TLN2: variants seen among roughly 807,000 people sequenced by gnomAD.
TLN2 encodes the protein talin 2.
TLN2 carries 118 observed loss-of-function variants against 294.7 expected under a neutral mutation model. That is an observed-to-expected ratio of 0.40 (90% CI 0.34 to 0.47). The LOEUF (loss-of-function observed/expected upper bound fraction) is 0.47. TLN2 is among the 20% of genes least tolerant of loss of function. The pLI is 0.84. For missense variants in TLN2, 3,083 were observed against 3,282.2 expected (o/e 0.94, Z 1.48); for synonymous variants, 1,431 against 1,304.5 (o/e 1.10, Z -2.09).
intron 1 of TLN2, among the ~76,000 whole-genome samples, chr15:62,485,729 A>G (rs1435187169): frequency 6.6e-6 from 1 of 152,096 alleles, no homozygotes; most frequent in African/African-American, 2.4e-5. Flanking sequence ...ACTTGCCTCC[A>G]TTCTGAGCTC....
intron 54 of TLN2, among the ~76,000 whole-genome samples, chr15:62,825,889 C>T (rs1402452894): frequency 9.3e-6 from 1 of 107,856 alleles, no homozygotes; most frequent in Non-Finnish European, 1.7e-5. Context: ...TATAATAAGT[C>T]AGGCATGGTG....
chr15:62,702,311 G>C, intron 18 of TLN2, 111 bp downstream of exon 18: 1 of 1,203,246 alleles, frequency 8.3e-7, no homozygotes, highest in South Asian at 1.5e-5. Context: ...GATGGGGTGT[G>C]TTTCTCTCTG....
chr15:62,799,262 C>G (rs559465352), intron 48 of TLN2, among the ~76,000 whole-genome samples: 1 of 152,030 alleles, frequency 6.6e-6, no homozygotes, highest in South Asian at 2.1e-4. Context: ...AAGGCAGTGG[C>G]GAGGAGTAAA....
chr15:62,647,417 A>G lies in TLN2; in HGVS notation c.107A>G (p.Glu36Gly). ...AVYDACRVIRERVPEAQTGQA... is the reference protein window; with the variant it reads ...AVYDACRVIRGRVPEAQTGQA... ...TACGATGCGTGTCGAGTCATTCGGG[A>G]ACGGGTGCCTGAGGCACAAACTGGG... The change falls in exon 4 of 59, where the codon GAA (glutamate) becomes GGA (glycine). Residue 36 changes from glutamate to glycine, a missense_variant. Physicochemically the swap from Glu to Gly is moderately conservative, Grantham distance 98. Transcript: ENST00000636159. The G allele has an allele frequency of 6.2e-7, 1 of 1,614,246 alleles. No individual in the cohort carries two copies. Among genetic ancestry groups the G allele is most frequent in the Non-Finnish European group, 8.5e-7 (1 of 1,180,026 alleles).
In TLN2 at chr15:62,708,692, T is replaced by C; in HGVS notation, c.2363T>C (p.Val788Ala). 1 of 1,614,006 alleles carries C rather than the reference T, an allele frequency of 6.2e-7. No homozygotes were observed. The highest frequency in any genetic ancestry group is 8.5e-7 in the Non-Finnish European group (1 of 1,180,038). ...SQALHDLLQH[V>A]RQFASRGEPI... ...GCCCTCCATGATCTCCTGCAGCATG[T>C]GCGGCAGTTTGCCAGCCGAGGCGAG... The change falls in exon 21 of 59, where the codon GTG (valine) becomes GCG (alanine). Residue 788 changes from valine to alanine, a missense_variant. Coordinates refer to ENST00000636159, the MANE Select transcript of TLN2 (RefSeq NM_015059.3).
intron 46 of TLN2, among the ~76,000 whole-genome samples, chr15:62,793,617 C>T (rs999447675): frequency 6.6e-6 from 1 of 152,080 alleles, no homozygotes; most frequent in Admixed American, 6.6e-5. Context: ...CCCAGTTAAC[C>T]ACGCCATACT....
intron 15 of TLN2, among the ~76,000 whole-genome samples, 191 bp from the exon 16 acceptor site, chr15:62,698,563 G>A (rs1480378806): frequency 1.3e-5 from 2 of 152,188 alleles, no homozygotes; most frequent in South Asian, 4.1e-4. Context: ...TTCATTTTGT[G>A]TTCTATTAAT....
intron 1 of TLN2, among the ~76,000 whole-genome samples, chr15:62,517,934 A>G (rs915178506): frequency 2.6e-5 from 4 of 152,192 alleles, no homozygotes; most frequent in Non-Finnish European, 5.9e-5. Flanking sequence ...CATAAGAAAA[A>G]TGGGGTTAAT....
intron 45 of TLN2, among the ~76,000 whole-genome samples, chr15:62,786,295 C>T (rs544592960): frequency 8.1e-4 from 124 of 152,258 alleles, no homozygotes; most frequent in East Asian, 3.9e-4. Context: ...GCTGCAGTCC[C>T]GCAGTCCGCT....
chr15:62,642,689 TG>T (rs1255367570), intron 3 of TLN2, among the ~76,000 whole-genome samples: 14 of 150,462 alleles, frequency 9.3e-5, no homozygotes, highest in African/African-American at 3.5e-4. Flanking sequence ...TTTGTTTGTT[TG>T]TTTGTTTTCT....
intron 8 of TLN2, 100 bp downstream of exon 8, chr15:62,656,186 A>G (rs2053187961): frequency 2.0e-6 from 3 of 1,470,316 alleles, no homozygotes; most frequent in Non-Finnish European, 2.8e-6. Context: ...CTTCTGCCAC[A>G]TTTATGGCGT....
chr15:62,718,677 TGA>T (rs1294775932), intron 24 of TLN2, among the ~76,000 whole-genome samples: 1 of 152,286 alleles, frequency 6.6e-6, no homozygotes, highest in East Asian at 1.9e-4. Flanking sequence ...GGAGTCTTGC[TGA>T]GAGTGAGGCC....
At chr15:62,458,554 A>G (rs1471319107) in intron 1 of TLN2, among the ~76,000 whole-genome samples, 1 of 149,140 alleles carries the variant, frequency 6.7e-6, no homozygotes, top group Non-Finnish European at 1.5e-5. Context: ...ATTAAGAAGT[A>G]TCTTCTTGAG....
chr15:62,667,665 T>C (rs1041205455), intron 9 of TLN2, among the ~76,000 whole-genome samples: 4 of 152,210 alleles, frequency 2.6e-5, no homozygotes, highest in African/African-American at 9.6e-5. Context: ...GGTCATGCAG[T>C]GACTTGATGG....
At chr15:62,634,946 G>C (rs754137998) in intron 3 of TLN2, among the ~76,000 whole-genome samples, 1 of 152,144 alleles carries the variant, frequency 6.6e-6, no homozygotes, top group Non-Finnish European at 1.5e-5. Context: ...CCTCTTTTCT[G>C]TAAATCTAGT....
At chr15:62,432,280 C>T (rs554151995) in intron 1 of TLN2, among the ~76,000 whole-genome samples, 14 of 152,144 alleles carry the variant, frequency 9.2e-5, no homozygotes, top group Non-Finnish European at 1.6e-4. Flanking sequence ...AACTAAATAC[C>T]TGAGGCTGGG....
intron 1 of TLN2, among the ~76,000 whole-genome samples, chr15:62,398,704 C>T (rs1006361155): frequency 6.6e-6 from 1 of 152,182 alleles, no homozygotes; most frequent in Non-Finnish European, 1.5e-5. Flanking sequence ...GCTTTTTGCC[C>T]ATGCCCTAGA....
At chr15:62,725,186 A>G (rs2060369128) in intron 27 of TLN2, 82 bp downstream of exon 27, 3 of 1,507,170 alleles carry the variant, frequency 2.0e-6, no homozygotes, top group South Asian at 1.3e-5. Flanking sequence ...GGTGTTTGCT[A>G]AAGTTGCGGC....
intron 1 of TLN2, among the ~76,000 whole-genome samples, chr15:62,504,250 G>C (rs74999410): frequency 0.011 from 1,623 of 152,284 alleles, 20 homozygotes; most frequent in African/African-American, 0.038. Flanking sequence ...TCACCAAATT[G>C]ATCTATAGGT....
Sources: allele counts gnomAD v4.1 joint callset (sites outside exome capture counted in the v4.1 genomes callset), GRCh38; gene constraint gnomAD v4.1.1; transcripts MANE v1.5; gene names NCBI Gene and HGNC (gene_info 2026-07-23, HGNC 2026-07-21).